ZNF423: variants seen among roughly 807,000 people sequenced by gnomAD.
The protein encoded by ZNF423 is zinc finger protein 423.
A neutral mutation model predicts 95.8 loss-of-function variants in ZNF423; 12 were observed. That is an observed-to-expected ratio of 0.13 (90% CI 0.08 to 0.20). ZNF423 has a LOEUF of 0.20. Ranked by LOEUF, ZNF423 falls within the 10% of genes least tolerant of loss-of-function variation. The pLI is 1.00. For synonymous variants in ZNF423, 749 were observed against 711.9 expected (o/e 1.05, Z -0.83); for missense variants, 1,316 against 1,737.1 (o/e 0.76, Z 4.31).
At chr16:49,613,425 G>A (rs1403582256) in intron 5 of ZNF423, among the ~76,000 whole-genome samples, 1 of 152,216 alleles carries the variant, frequency 6.6e-6, no homozygotes, top group East Asian at 1.9e-4. Context: ...GGACAATGTG[G>A]CTCATGCCTG....
chr16:49,623,149 G>A (rs1013495553), intron 5 of ZNF423, among the ~76,000 whole-genome samples: 2 of 152,114 alleles, frequency 1.3e-5, no homozygotes, highest in African/African-American at 2.4e-5. Context: ...ATCTGCACTC[G>A]GGGACCAACC....
chr16:49,617,031 C>A (rs1971899504), intron 5 of ZNF423, among the ~76,000 whole-genome samples: 1 of 152,164 alleles, frequency 6.6e-6, no homozygotes, highest in African/African-American at 2.4e-5. Flanking sequence ...GTTTGTGCTG[C>A]CCCTTCTTGT....
Position 49,491,075 on chromosome 16 carries a change from T to C in ZNF423, c.*200A>G, listed in dbSNP as rs763735041. 364 of 623,898 alleles carry C rather than the reference T, an allele frequency of 5.8e-4. 1 individual carries two copies. The highest frequency in any genetic ancestry group is 9.1e-4 in the Non-Finnish European group (321 of 352,886). The allele number at this position is 623,898 out of a possible 1,614,324, so 38.6% of individuals were successfully genotyped here. The stretch of plus-strand genomic sequence containing the variant: ...CTAGCTGTAGCAGGACAATAAAAAA[T>C]ACTGAGCATGGAATACTTTTAATCT... On this transcript the variant is annotated 3_prime_UTR_variant, in exon 8 of 8. Coordinates refer to ENST00000563137, the MANE Select transcript of ZNF423 (RefSeq NM_001379286.1).
intron 3 of ZNF423, among the ~76,000 whole-genome samples, chr16:49,719,354 C>CT (rs1417336322): frequency 6.6e-6 from 1 of 152,226 alleles, no homozygotes; most frequent in Non-Finnish European, 1.5e-5. Flanking sequence ...GGGGAAAAAA[C>CT]TTATTATTGA....
intron 1 of ZNF423, among the ~76,000 whole-genome samples, chr16:49,846,362 G>C (rs1370319003): frequency 2.0e-5 from 3 of 151,116 alleles, no homozygotes; most frequent in Non-Finnish European, 4.4e-5. Flanking sequence ...CCCTGCGAGT[G>C]AAAGTGTGTA....
intron 5 of ZNF423, among the ~76,000 whole-genome samples, chr16:49,608,908 G>A (rs192792686): frequency 2.2e-4 from 34 of 152,272 alleles, no homozygotes; most frequent in Non-Finnish European, 3.5e-4. Flanking sequence ...CTCACCGCCC[G>A]CTCTTCCCAT....
intron 5 of ZNF423, among the ~76,000 whole-genome samples, chr16:49,563,031 C>T (rs1183320518): frequency 6.6e-6 from 1 of 152,202 alleles, no homozygotes; most frequent in Non-Finnish European, 1.5e-5. Flanking sequence ...GATCCACCCA[C>T]CTTGGCCTCC....
rs1045231053 is a variant in ZNF423 at position 49,603,079 on chromosome 16, C to A, written c.3601+23091G>T. Reference sequence around the variant, plus strand: ...AGGAGGAGGTTCCGAAACACTGGTGCGAGAAAAGGGTCTGGATGGGAGGAT... The same window carrying A: ...AGGAGGAGGTTCCGAAACACTGGTGAGAGAAAAGGGTCTGGATGGGAGGAT... On this transcript the variant is annotated intron_variant, in intron 5 of 7. Coordinates refer to ENST00000563137, the MANE Select transcript of ZNF423 (RefSeq NM_001379286.1). The surrounding 1 kb of genome is among the most constrained non-coding windows in gnomAD (Gnocchi z 4.1). Among the ~76,000 whole-genome samples, 1 of 152,068 alleles carries A rather than the reference C, an allele frequency of 6.6e-6. No homozygotes were observed. The highest frequency in any genetic ancestry group is 2.4e-5 in the African/African-American group (1 of 41,428).
At chr16:49,665,736 A>G (rs2030509909) in intron 3 of ZNF423, among the ~76,000 whole-genome samples, 1 of 152,130 alleles carries the variant, frequency 6.6e-6, no homozygotes, top group South Asian at 2.1e-4. Flanking sequence ...CCAATCCCAC[A>G]AAGCCATCAT....
intron 5 of ZNF423, among the ~76,000 whole-genome samples, chr16:49,541,227 T>C (rs1969233857): frequency 6.6e-6 from 1 of 152,228 alleles, no homozygotes; most frequent in African/African-American, 2.4e-5. Flanking sequence ...ACAGTGGCAC[T>C]CAGCCAATGA....
intron 1 of ZNF423, among the ~76,000 whole-genome samples, chr16:49,834,821 G>A (rs901984985): frequency 4.6e-5 from 7 of 152,002 alleles, no homozygotes; most frequent in East Asian, 1.9e-4. Context: ...CAGAGCCGCC[G>A]GCTGTGCGCT....
intron 3 of ZNF423, among the ~76,000 whole-genome samples, chr16:49,693,712 A>G (rs1361089507): frequency 6.6e-6 from 1 of 152,224 alleles, no homozygotes; most frequent in Non-Finnish European, 1.5e-5. Context: ...GCTCTACCTC[A>G]GCAAGGAGGC....
At chr16:49,719,981 G>T (rs1317220069) in intron 3 of ZNF423, among the ~76,000 whole-genome samples, 2 of 152,160 alleles carry the variant, frequency 1.3e-5, no homozygotes, top group Admixed American at 6.5e-5. Flanking sequence ...CTTGGTGGCT[G>T]CCCAGCCTCT....
chr16:49,507,103 T>G (rs1314199355), intron 7 of ZNF423, among the ~76,000 whole-genome samples: 1 of 152,204 alleles, frequency 6.6e-6, no homozygotes. Flanking sequence ...CACTCGCTTC[T>G]CTAAGCACTC....
At chr16:49,810,004 G>A (rs1044037170) in intron 1 of ZNF423, among the ~76,000 whole-genome samples, 2 of 151,738 alleles carry the variant, frequency 1.3e-5, no homozygotes, top group Non-Finnish European at 2.9e-5. Context: ...TCAAAGGTCT[G>A]CCCAGGCCCC....
intron 2 of ZNF423, among the ~76,000 whole-genome samples, chr16:49,771,649 G>A (rs537319227): frequency 6.6e-6 from 1 of 152,300 alleles, no homozygotes; most frequent in African/African-American, 2.4e-5. Flanking sequence ...TATAAGGGGT[G>A]TGTCCCCCTT....
chr16:49,675,525 G>A (rs867372735), intron 3 of ZNF423, among the ~76,000 whole-genome samples: 8 of 151,996 alleles, frequency 5.3e-5, no homozygotes, highest in South Asian at 2.1e-4. Flanking sequence ...CTCAGACTCC[G>A]GGCTGCCACG....
At chr16:49,599,376 C>T (rs1971283352) in intron 5 of ZNF423, among the ~76,000 whole-genome samples, 1 of 152,170 alleles carries the variant, frequency 6.6e-6, no homozygotes, top group African/African-American at 2.4e-5. Context: ...GGCTCCAGTC[C>T]CTCAGTGTTC....
chr16:49,787,799 G>T (rs576106643), intron 2 of ZNF423, among the ~76,000 whole-genome samples: 1 of 152,230 alleles, frequency 6.6e-6, no homozygotes, highest in African/African-American at 2.4e-5. Context: ...CAGCCCCACC[G>T]GGAAAGCAGC....
Sources: allele counts gnomAD v4.1 joint callset (sites outside exome capture counted in the v4.1 genomes callset), GRCh38; gene constraint gnomAD v4.1.1; non-coding constraint Gnocchi (gnomAD v3.1); transcripts MANE v1.5; gene names NCBI Gene and HGNC (gene_info 2026-07-23, HGNC 2026-07-21).